Variants in PIP5K1B observed in about 807,000 individuals in gnomAD.
PIP5K1B encodes phosphatidylinositol-4-phosphate 5-kinase type 1 beta.
A neutral mutation model predicts 67.0 loss-of-function variants in PIP5K1B; 42 were observed. The observed-to-expected ratio is 0.63, with a 90% CI of 0.49 to 0.81. The LOEUF is 0.81. Ranked by LOEUF, PIP5K1B falls within the 30% of genes least tolerant of loss-of-function variation. The pLI is 0.00. For synonymous variants in PIP5K1B, 214 were observed against 231.4 expected, an observed-to-expected ratio of 0.92 and a Z score of 0.68; for missense variants, 459 against 646.3, an observed-to-expected ratio of 0.71 and a Z score of 3.14.
chr9:68,730,596 A>T (rs1316198394), intron 1 of PIP5K1B, among the ~76,000 whole-genome samples: 1 of 152,218 alleles, frequency 6.6e-6, no homozygotes, highest in Non-Finnish European at 1.5e-5. Context: ...CTAAATTCTT[A>T]ACAGATATCA....
chr9:68,814,979 A>T (rs1212320098), intron 2 of PIP5K1B, among the ~76,000 whole-genome samples: 1 of 152,206 alleles, frequency 6.6e-6, no homozygotes, highest in Non-Finnish European at 1.5e-5. Flanking sequence ...CTATGGCCAC[A>T]GGAAAAAACT....
intron 4 of PIP5K1B, among the ~76,000 whole-genome samples, chr9:68,826,573 T>G (rs1268668330): frequency 6.6e-6 from 1 of 152,120 alleles, no homozygotes; most frequent in Non-Finnish European, 1.5e-5. Flanking sequence ...ACCTCTGACC[T>G]CCCTGTTGGT....
intron 14 of PIP5K1B, among the ~76,000 whole-genome samples, chr9:68,957,903 T>C (rs2132725137): frequency 6.6e-6 from 1 of 152,064 alleles, no homozygotes; most frequent in East Asian, 1.9e-4. Context: ...AGACAAGGTC[T>C]GGCTCTGTTG....
At chr9:68,774,702 A>T (rs1830828997) in intron 2 of PIP5K1B, among the ~76,000 whole-genome samples, 1 of 152,186 alleles carries the variant, frequency 6.6e-6, no homozygotes, top group South Asian at 2.1e-4. Context: ...ATCCAAGGGG[A>T]AACATTCCAA....
intron 2 of PIP5K1B, among the ~76,000 whole-genome samples, chr9:68,771,490 C>T (rs1830668603): frequency 1.3e-5 from 2 of 152,132 alleles, no homozygotes; most frequent in African/African-American, 4.8e-5. Flanking sequence ...AATAAGAGCT[C>T]AGCTTCTGAA....
intron 2 of PIP5K1B, among the ~76,000 whole-genome samples, chr9:68,817,619 G>A (rs1833510649): frequency 6.6e-6 from 1 of 151,692 alleles, no homozygotes; most frequent in South Asian, 2.1e-4. Context: ...ATAAATGTGT[G>A]TGTGAAAAAG....
chr9:68,909,387 C>A, intron 8 of PIP5K1B, among the ~76,000 whole-genome samples: 1 of 150,116 alleles, frequency 6.7e-6, no homozygotes. Flanking sequence ...GTAGGAATCC[C>A]TAAAAGCTAA....
At chr9:68,971,441 G>T (rs1481473580) in intron 14 of PIP5K1B, among the ~76,000 whole-genome samples, 1 of 152,154 alleles carries the variant, frequency 6.6e-6, no homozygotes, top group Non-Finnish European at 1.5e-5. Context: ...TGTGAATAGT[G>T]CTGCAATAAA....
intron 4 of PIP5K1B, among the ~76,000 whole-genome samples, chr9:68,855,361 C>A (rs1470199173): frequency 6.6e-6 from 1 of 152,166 alleles, no homozygotes; most frequent in Non-Finnish European, 1.5e-5. Flanking sequence ...CATTCAACCC[C>A]TTGGTTTTCA....
At chr9:68,876,646 T>A in intron 5 of PIP5K1B, 31 bp from the exon 6 acceptor site, 1 of 1,210,338 alleles carries the variant, frequency 8.3e-7, no homozygotes, top group Non-Finnish European at 1.2e-6. Context: ...GTGTTCTTTC[T>A]TTCTCTCTCT....
intron 1 of PIP5K1B, among the ~76,000 whole-genome samples, chr9:68,708,370 A>G (rs949691671): frequency 1.3e-5 from 2 of 152,218 alleles, no homozygotes; most frequent in African/African-American, 4.8e-5. Context: ...GCATCTTACC[A>G]TGTAAATTCC....
At chr9:68,886,675 G>T (rs1824493468) in intron 6 of PIP5K1B, among the ~76,000 whole-genome samples, 1 of 152,232 alleles carries the variant, frequency 6.6e-6, no homozygotes, top group Admixed American at 6.5e-5. Context: ...GTTTTCCAGA[G>T]CAAGTGCTGC....
At chr9:68,752,685 C>T (rs76373437) in intron 2 of PIP5K1B, among the ~76,000 whole-genome samples, 18,139 of 152,074 alleles carry the variant, frequency 0.12, 1,176 homozygotes, top group Non-Finnish European at 0.15. Flanking sequence ...ATCCTTTAGT[C>T]AGTCTTCTCT....
At chr9:68,870,528 T>C (rs1243833245) in intron 5 of PIP5K1B, among the ~76,000 whole-genome samples, 1 of 152,218 alleles carries the variant, frequency 6.6e-6, no homozygotes, top group African/African-American at 2.4e-5. Flanking sequence ...AAGAATTGTA[T>C]GTGGAAACCA....
rs1181588952 is a variant in PIP5K1B, at chr9:68,917,433, G to A, written c.772-115G>A. 1.2e-5 allele frequency: 9 copies of A among 763,716 alleles called. No homozygotes were observed. The Admixed American group carries it at 1.3e-4, about 11-fold the overall frequency. 47.3% of individuals were successfully genotyped at this position (763,716 alleles called of 1,614,324 possible). On this transcript the variant is annotated intron_variant, in intron 8 of 15. Coordinates refer to ENST00000265382, the MANE Select transcript of PIP5K1B (RefSeq NM_003558.4). ...TGATTCTTCATCTCTCAGCCACCCC[G>A]CTGGGAGGAATAACAGGAGCTGTGT...
At chr9:68,784,109 G>A (rs1831468962) in intron 2 of PIP5K1B, 1 of 167,078 alleles carries the variant, frequency 6.0e-6, no homozygotes, top group Non-Finnish European at 1.5e-5. Context: ...CTATATAGAT[G>A]GGAAGTTTTT....
chr9:68,908,677 A>C (rs902596746), intron 8 of PIP5K1B, among the ~76,000 whole-genome samples: 10 of 152,206 alleles, frequency 6.6e-5, no homozygotes, highest in Non-Finnish European at 1.0e-4. Context: ...TTTGGCTCTA[A>C]CTAAACTGGC....
intron 2 of PIP5K1B, among the ~76,000 whole-genome samples, chr9:68,802,412 G>C (rs1299245320): frequency 1.3e-5 from 2 of 152,188 alleles, no homozygotes; most frequent in East Asian, 3.8e-4. Flanking sequence ...TCATGTGCCA[G>C]GCACTGTGAT....
chr9:68,732,838 A>G (rs1380956549), intron 1 of PIP5K1B, among the ~76,000 whole-genome samples: 1 of 136,044 alleles, frequency 7.4e-6, no homozygotes, highest in Non-Finnish European at 1.6e-5. Context: ...AAGAGTGGGC[A>G]TTACAATTGA....
Sources: gnomAD v4.1 joint callset for allele counts (sites outside exome capture counted in the v4.1 genomes callset) on GRCh38, gnomAD v4.1.1 for gene constraint, MANE v1.5 for transcripts, NCBI Gene and HGNC (gene_info 2026-07-23, HGNC 2026-07-21) for gene names.